Variants in LRBA observed in about 807,000 individuals in gnomAD.
LRBA encodes lipopolysaccharide-responsive and beige-like anchor protein.
A neutral mutation model predicts 330.0 loss-of-function variants in LRBA; 176 were observed. The ratio of observed to expected loss-of-function variants is 0.53; its 90% CI spans 0.47 to 0.60. LRBA has a LOEUF of 0.60. LRBA is among the 20% of genes least tolerant of loss of function. The pLI is 0.00. For synonymous variants in LRBA, 1,230 were observed against 1,193.0 expected (o/e 1.03, Z -0.64); for missense variants, 3,259 against 3,444.8 (o/e 0.95, Z 1.35).
At chr4:150,400,241 G>A (rs1253170762) in intron 47 of LRBA, among the ~76,000 whole-genome samples, 2 of 152,130 alleles carry the variant, frequency 1.3e-5, no homozygotes, top group Non-Finnish European at 2.9e-5. Flanking sequence ...ATTTGTGAGA[G>A]CCTCCAATTT....
intron 40 of LRBA, among the ~76,000 whole-genome samples, chr4:150,578,599 C>T (rs1336620610): frequency 2.0e-5 from 3 of 152,100 alleles, no homozygotes; most frequent in Admixed American, 2.0e-4. Flanking sequence ...AAAACTAGTA[C>T]CGTAATTACT....
In LRBA at chr4:150,568,645, G is replaced by A. The variant is rs75528396; in HGVS notation, c.6330+19403C>T. ...GCACCTGCACTTCATTTTCTTTTAA[G>A]TAGGTAGACTGTTTTCTTATTACAA... On this transcript the variant is annotated intron_variant, in intron 40 of 56. Coordinates refer to ENST00000651943, the MANE Select transcript of LRBA (RefSeq NM_001364905.1). Among the ~76,000 whole-genome samples, 442 of 152,188 alleles carry A rather than the reference G, an allele frequency of 2.9e-3. 17 individuals carry two copies. In the East Asian group the frequency reaches 0.066, roughly 23 times the overall value.
chr4:150,274,620 C>A (rs1313883336), intron 56 of LRBA, among the ~76,000 whole-genome samples: 1 of 152,162 alleles, frequency 6.6e-6, no homozygotes, highest in Non-Finnish European at 1.5e-5. Context: ...GTTATCACCA[C>A]TGATCACACA....
intron 40 of LRBA, among the ~76,000 whole-genome samples, chr4:150,571,645 AGTT>A (rs1769852130): frequency 8.9e-6 from 1 of 112,096 alleles, no homozygotes. Flanking sequence ...CCTACTGGTT[AGTT>A]GTTTTTTTTT....
chr4:150,963,591 T>A (rs1464980710), intron 2 of LRBA, among the ~76,000 whole-genome samples: 2 of 149,668 alleles, frequency 1.3e-5, no homozygotes, highest in Non-Finnish European at 1.5e-5. Context: ...GATTGCAGCC[T>A]CTGCCCGGCT....
intron 44 of LRBA, among the ~76,000 whole-genome samples, chr4:150,438,325 A>T (rs969814414): frequency 6.6e-6 from 1 of 152,062 alleles, no homozygotes; most frequent in African/African-American, 2.4e-5. Context: ...CTACAAAAAA[A>T]TTTAAAAATC....
In LRBA at chr4:150,350,092, T is replaced by C. The variant is rs1431993881; in HGVS notation, c.7262A>G (p.Gln2421Arg). 2.5e-6 allele frequency: 4 copies of C among 1,608,612 alleles called. No homozygotes were observed. In the African/African-American group the frequency reaches 5.4e-5, roughly 22 times the overall value. Reference protein sequence around the residue: ...QWIDLIFGYKQQGPEAVRALN... With the variant: ...QWIDLIFGYKRQGPEAVRALN... ...GGCTCGGACAGCTTCTGGTCCTTGC[T>C]GTTTATAGCCAAAAATGAGATCAAT... The change falls in exon 48 of 57, where the codon CAG (glutamine) becomes CGG (arginine). Residue 2421 changes from glutamine (Q) to arginine (R), a missense_variant. Transcript: ENST00000651943.
In LRBA at chr4:150,626,528, C is replaced by A. The variant is rs140088626; in HGVS notation, c.5922-27397G>T. The stretch of plus-strand genomic sequence containing the variant: ...AGGGGTACATTTTCAGTATCACATA[C>A]CATTAAGAGTTATTCTTTGTGGTAA... On this transcript the variant is annotated intron_variant, in intron 37 of 56. Transcript: ENST00000651943. Among the ~76,000 whole-genome samples, 58 of 151,872 alleles carry A rather than the reference C, an allele frequency of 3.8e-4. No homozygotes were observed. The East Asian group carries it at 9.3e-3, about 24-fold the overall frequency.
intron 40 of LRBA, among the ~76,000 whole-genome samples, chr4:150,517,925 A>G (rs947050689): frequency 6.6e-6 from 1 of 152,212 alleles, no homozygotes; most frequent in Non-Finnish European, 1.5e-5. Context: ...CTAAGCACTT[A>G]TTATGCACTG....
chr4:150,954,999 G>C (rs940445704), intron 2 of LRBA, among the ~76,000 whole-genome samples: 1 of 148,964 alleles, frequency 6.7e-6, no homozygotes, highest in African/African-American at 2.6e-5. Context: ...AATTAGGCTA[G>C]GCACAGTGGC....
intron 36 of LRBA, among the ~76,000 whole-genome samples, chr4:150,729,928 G>C (rs1055437864): frequency 1.3e-5 from 2 of 152,128 alleles, no homozygotes; most frequent in African/African-American, 4.8e-5. Context: ...CACTGGGAAA[G>C]CTAGTTATCC....
At chr4:150,965,380 G>A (rs936138744) in intron 2 of LRBA, among the ~76,000 whole-genome samples, 1 of 152,138 alleles carries the variant, frequency 6.6e-6, no homozygotes, top group African/African-American at 2.4e-5. Flanking sequence ...TGTAGAACAA[G>A]GGGTACAGCA....
At chr4:150,834,235 T>C (rs75472437) in intron 28 of LRBA, among the ~76,000 whole-genome samples, 1 of 152,198 alleles carries the variant, frequency 6.6e-6, no homozygotes, top group Non-Finnish European at 1.5e-5. Flanking sequence ...GGGTACTTCA[T>C]GGTATCTACA....
At chr4:150,866,407 C>T (rs1449138774) in intron 22 of LRBA, among the ~76,000 whole-genome samples, 1 of 152,076 alleles carries the variant, frequency 6.6e-6, no homozygotes, top group Non-Finnish European at 1.5e-5. Context: ...CACAAAACAA[C>T]AAGAAAACAC....
At chr4:150,833,107 T>G (rs191268871) in intron 28 of LRBA, among the ~76,000 whole-genome samples, 2 of 151,714 alleles carry the variant, frequency 1.3e-5, no homozygotes, top group Admixed American at 1.3e-4. Context: ...TTTAAAATAG[T>G]ACAAACAATT....
At chr4:150,953,337 A>G (rs1737066549) in intron 2 of LRBA, among the ~76,000 whole-genome samples, 1 of 151,972 alleles carries the variant, frequency 6.6e-6, no homozygotes, top group Non-Finnish European at 1.5e-5. Context: ...CAATAAATTT[A>G]AAAGAATAGC....
chr4:150,368,459 A>G (rs1425908588), intron 47 of LRBA, among the ~76,000 whole-genome samples: 2 of 152,184 alleles, frequency 1.3e-5, no homozygotes, highest in East Asian at 3.8e-4. Context: ...AGTCTAACAA[A>G]AGTTAAATTT....
intron 47 of LRBA, among the ~76,000 whole-genome samples, chr4:150,377,552 A>G (rs1186638263): frequency 6.6e-6 from 1 of 152,144 alleles, no homozygotes; most frequent in Non-Finnish European, 1.5e-5. Context: ...GAAGTGGGGG[A>G]GGAGAAACTC....
intron 50 of LRBA, among the ~76,000 whole-genome samples, chr4:150,317,637 T>C (rs553662259): frequency 6.6e-6 from 1 of 152,130 alleles, no homozygotes; most frequent in Non-Finnish European, 1.5e-5. Context: ...CTTCCAGCAA[T>C]ACCAGTGTCA....
Sources: gnomAD v4.1 joint callset for allele counts (sites outside exome capture counted in the v4.1 genomes callset) on GRCh38, gnomAD v4.1.1 for gene constraint, MANE v1.5 for transcripts, NCBI Gene and HGNC (gene_info 2026-07-23, HGNC 2026-07-21) for gene names.